LCLAT1: variants seen among roughly 807,000 people sequenced by gnomAD.
The protein encoded by LCLAT1 is lysocardiolipin acyltransferase 1, also known as 1-AGP acyltransferase 8.
Under a neutral mutation model 30.7 loss-of-function variants are expected in LCLAT1, and 11 were observed. The ratio of observed to expected loss-of-function variants is 0.36; its 90% confidence interval spans 0.23 to 0.59. LCLAT1 has a LOEUF of 0.59. Ranked by LOEUF, LCLAT1 falls within the 20% of genes least tolerant of loss-of-function variation. LCLAT1 has a pLI of 0.77. For missense variants in LCLAT1, 402 were observed against 458.6 expected, an observed-to-expected ratio of 0.88 and a Z score of 1.13; for synonymous variants, 155 against 151.3, an observed-to-expected ratio of 1.02 and a Z score of -0.18.
intron 5 of LCLAT1, among the ~76,000 whole-genome samples, chr2:30,599,513 C>T (rs1338150272): frequency 2.0e-5 from 3 of 152,126 alleles, no homozygotes; most frequent in South Asian, 2.1e-4. Flanking sequence ...AATTCAAGTC[C>T]TAAATATCTT....
intron 5 of LCLAT1, among the ~76,000 whole-genome samples, chr2:30,616,372 C>T (rs1285183854): frequency 4.6e-5 from 7 of 152,052 alleles, no homozygotes; most frequent in Admixed American, 4.6e-4. Context: ...CTGAGTTTTA[C>T]AGGAGGAATT....
chr2:30,552,453 G>A, intron 3 of LCLAT1: 1 of 408,302 alleles, frequency 2.4e-6, no homozygotes, highest in Non-Finnish European at 5.0e-6. Flanking sequence ...ATTATTACTT[G>A]CTCATATTTT....
chr2:30,635,315 A>G (rs1668971642), intron 5 of LCLAT1, among the ~76,000 whole-genome samples: 1 of 151,534 alleles, frequency 6.6e-6, no homozygotes, highest in African/African-American at 2.4e-5. Context: ...GCCATTCTCC[A>G]TTTCCTCCTC....
chr2:30,640,141 A>G lies in LCLAT1; in HGVS notation c.653A>G (p.Asp218Gly), dbSNP rs1572732910. The G allele has an allele frequency of 6.2e-7, 1 of 1,613,136 alleles. No individual in the cohort carries two copies. Among genetic ancestry groups the G allele is most frequent in the Non-Finnish European group, 8.5e-7 (1 of 1,179,654 alleles). Reference protein sequence around the residue: ...REGKNLDAVHDITVAYPHNIP... With the variant: ...REGKNLDAVHGITVAYPHNIP... ...GGTAAGAACCTTGATGCTGTCCATG[A>G]TATCACTGTGGCGTATCCTCACAAC... Residue 218 changes from aspartate (D) to glycine (G), a missense_variant, in exon 6 of 6, where the codon GAT (aspartate) becomes GGT (glycine). By Grantham distance (94) the Asp-to-Gly change is moderately conservative. Transcript: ENST00000379509.
chr2:30,558,841 G>A (rs919741777), intron 3 of LCLAT1, among the ~76,000 whole-genome samples: 1 of 152,142 alleles, frequency 6.6e-6, no homozygotes, highest in Non-Finnish European at 1.5e-5. Context: ...TGAGGCATCA[G>A]TTTCACTGCT....
chr2:30,557,214 A>G (rs1664961373), intron 3 of LCLAT1, among the ~76,000 whole-genome samples: 1 of 152,084 alleles, frequency 6.6e-6, no homozygotes, highest in Non-Finnish European at 1.5e-5. Context: ...TTATAAAATG[A>G]AGTAATTCCC....
intron 5 of LCLAT1, among the ~76,000 whole-genome samples, chr2:30,598,676 A>G (rs776363065): frequency 6.6e-6 from 1 of 151,346 alleles, no homozygotes; most frequent in Non-Finnish European, 1.5e-5. Context: ...GATCTTGGCT[A>G]TTTCTTGTCT....
At chr2:30,592,182 C>T (rs1246078479) in intron 5 of LCLAT1, among the ~76,000 whole-genome samples, 1 of 152,068 alleles carries the variant, frequency 6.6e-6, no homozygotes, top group African/African-American at 2.4e-5. Context: ...GACAGAACAT[C>T]AAAGAAATGA....
intron 1 of LCLAT1, among the ~76,000 whole-genome samples, chr2:30,465,448 T>C (rs1682371698): frequency 6.6e-6 from 1 of 152,202 alleles, no homozygotes; most frequent in African/African-American, 2.4e-5. Context: ...TGGAAGAGAA[T>C]AACTTTCTGT....
At chr2:30,516,613 A>C (rs1018268494) in intron 1 of LCLAT1, among the ~76,000 whole-genome samples, 1 of 152,262 alleles carries the variant, frequency 6.6e-6, no homozygotes, top group African/African-American at 2.4e-5. Flanking sequence ...CCTTGAGGCC[A>C]AGAACCCCAG....
At chr2:30,631,728 C>T (rs1668779917) in intron 5 of LCLAT1, among the ~76,000 whole-genome samples, 1 of 152,150 alleles carries the variant, frequency 6.6e-6, no homozygotes, top group Admixed American at 6.5e-5. Flanking sequence ...ATGTACTCAG[C>T]CTTGACTTTC....
chr2:30,639,502 A>G (rs1669200355), intron 5 of LCLAT1, among the ~76,000 whole-genome samples: 1 of 152,124 alleles, frequency 6.6e-6, no homozygotes, highest in Non-Finnish European at 1.5e-5. Context: ...GTCTCACTGT[A>G]TTGTCCAGGC....
intron 5 of LCLAT1, among the ~76,000 whole-genome samples, chr2:30,598,074 T>G (rs759112826): frequency 1.3e-5 from 2 of 152,228 alleles, no homozygotes; most frequent in East Asian, 3.8e-4. Flanking sequence ...TGCATCGATA[T>G]TCATCAGGGA....
At chr2:30,640,053 GA>G (rs753966115) in intron 5 of LCLAT1, 63 bp from the exon 6 acceptor site, 7 of 1,343,628 alleles carry the variant, frequency 5.2e-6, no homozygotes, top group Non-Finnish European at 7.3e-6. Flanking sequence ...CCTGCAGTGT[GA>G]ATCAGCATTA....
intron 1 of LCLAT1, among the ~76,000 whole-genome samples, chr2:30,473,556 T>G (rs529361745): frequency 1.2e-4 from 19 of 152,208 alleles, no homozygotes; most frequent in Non-Finnish European, 2.5e-4. Context: ...AACAAAGACT[T>G]TTTGTGTTGA....
chr2:30,578,645 A>AG (rs1666088496), intron 5 of LCLAT1, among the ~76,000 whole-genome samples: 1 of 152,144 alleles, frequency 6.6e-6, no homozygotes, highest in Non-Finnish European at 1.5e-5. Flanking sequence ...CACCTCTCAA[A>AG]GCTAAAAAAC....
chr2:30,500,461 C>G (rs1238838641), intron 1 of LCLAT1, among the ~76,000 whole-genome samples: 1 of 152,170 alleles, frequency 6.6e-6, no homozygotes, highest in Non-Finnish European at 1.5e-5. Flanking sequence ...AAGCACTTCT[C>G]TAGAATTTGT....
At chr2:30,625,014 A>C (rs1257568923) in intron 5 of LCLAT1, among the ~76,000 whole-genome samples, 1 of 152,194 alleles carries the variant, frequency 6.6e-6, no homozygotes, top group Non-Finnish European at 1.5e-5. Context: ...CGGAATGATT[A>C]TCAGGTCAAC....
intron 5 of LCLAT1, among the ~76,000 whole-genome samples, chr2:30,569,412 A>G (rs1665672203): frequency 6.6e-6 from 1 of 152,260 alleles, no homozygotes; most frequent in Non-Finnish European, 1.5e-5. Flanking sequence ...TGTTAATTTT[A>G]TAACAGTTCA....
Sources: allele counts gnomAD v4.1 joint callset (sites outside exome capture counted in the v4.1 genomes callset), GRCh38; gene constraint gnomAD v4.1.1; transcripts MANE v1.5; gene names NCBI Gene and HGNC (gene_info 2026-07-23, HGNC 2026-07-21).